The following SSC5D variants were observed in gnomAD, a reference collection of about 807,000 sequenced individuals.
The protein encoded by SSC5D is scavenger receptor cysteine rich family member with 5 domains.
Under a neutral mutation model 104.6 loss-of-function variants are expected in SSC5D, and 106 were observed. That is an observed-to-expected ratio of 1.01 (90% CI 0.87 to 1.19). The LOEUF (loss-of-function observed/expected upper bound fraction) is 1.19, where lower values mean the gene tolerates loss of function less well. Ranked by LOEUF, SSC5D falls within the 50% of genes most tolerant of loss-of-function variation. SSC5D has a pLI of 0.00. For synonymous variants in SSC5D, 860 were observed against 883.5 expected (o/e 0.97, Z 0.47); for missense variants, 1,993 against 2,153.8 (o/e 0.93, Z 1.48).
At chr19:55,494,482 A>G in intron 7 of SSC5D, 128 bp from the exon 8 acceptor site, 1 of 1,046,528 alleles carries the variant, frequency 9.6e-7, no homozygotes, top group Non-Finnish European at 1.3e-6. Flanking sequence ...TCTAGGGAGG[A>G]GGTTCGGCAG....
Position 55,494,752 on chromosome 19 carries a change from T to A in SSC5D, c.1356T>A (p.Pro452=), listed in dbSNP as rs760614874. The A allele has an allele frequency of 1.9e-6, 3 of 1,548,518 alleles. No individual in the cohort carries two copies. Among genetic ancestry groups the A allele is most frequent in the East Asian group, 4.9e-5 (2 of 40,730 alleles). ...GCGTTTCACCTCCTCCAGCCTCCCC[T>A]ACTGTCCTTTGGGAGCCTGGACCGG... ...TAGVSPPPAS[P]TVLWEPGPEA... Residue 452 remains proline, a synonymous_variant, in exon 8 of 14, where the codon CCT becomes CCA. Coordinates refer to ENST00000389623, the MANE Select transcript of SSC5D (RefSeq NM_001144950.2).
Position 55,501,166 on chromosome 19 carries a change from G to A in SSC5D, c.2750G>A (p.Ser917Asn). Residue 917 changes from serine to asparagine, a missense_variant, in exon 12 of 14, where the codon AGC becomes AAC. Ser to Asn is a conservative substitution (Grantham distance 46). Around this residue, in one of 6 missense-constraint regions of SSC5D, gnomAD observed 423 missense variants for 409.2 expected, o/e 1.03. Transcript: ENST00000389623. ...LPWRTTRRPG[S>N]SSPAIRRLPD... is the part of the protein sequence containing the mutation. Reference sequence around the variant, plus strand: ...TGGAGGACCACCCGGCGCCCGGGTAGCTCCTCCCCAGCAATAAGGCGCCTG... The same window carrying A: ...TGGAGGACCACCCGGCGCCCGGGTAACTCCTCCCCAGCAATAAGGCGCCTG... 1 of 1,544,760 alleles carries A rather than the reference G, an allele frequency of 6.5e-7. No homozygotes were observed. The highest frequency in any genetic ancestry group is 8.7e-7 in the Non-Finnish European group (1 of 1,144,162).
chr19:55,501,832 C>A (rs902308338), intron 12 of SSC5D, among the ~76,000 whole-genome samples: 6 of 152,186 alleles, frequency 3.9e-5, no homozygotes, highest in Non-Finnish European at 7.3e-5. Flanking sequence ...TCCTTGTATC[C>A]CCATCTCTCA....
At position 55,498,069 on chromosome 19, in the gene SSC5D, G is replaced by A. The variant is rs940907088; in HGVS notation, c.1577G>A (p.Gly526Asp). ...PDPAAGRFGW[G>D]AGPIWLDDVG... ...CCTGCTGCTGGCCGCTTTGGCTGGG[G>A]TGCGGGCCCCATCTGGCTAGATGAT... The change falls in exon 9 of 14, where the codon GGT becomes GAT. Residue 526 changes from glycine (G) to aspartate (D), a missense_variant. Coordinates refer to ENST00000389623, the MANE Select transcript of SSC5D (RefSeq NM_001144950.2). The A allele has an allele frequency of 1.9e-6, 3 of 1,551,536 alleles. No homozygotes were observed. In the African/African-American group the frequency reaches 4.1e-5, roughly 21 times the overall value.
chr19:55,517,059 G>A (rs1042567530), intron 13 of SSC5D, among the ~76,000 whole-genome samples, 165 bp from the exon 14 acceptor site: 3 of 152,232 alleles, frequency 2.0e-5, no homozygotes, highest in Non-Finnish European at 4.4e-5. Context: ...ATCGGAGGAC[G>A]TAGGGAGGAG....
intron 13 of SSC5D, among the ~76,000 whole-genome samples, chr19:55,516,922 C>T (rs1987883721): frequency 6.6e-6 from 1 of 152,026 alleles, no homozygotes; most frequent in Non-Finnish European, 1.5e-5. Flanking sequence ...CCCAGCACCC[C>T]ACGCATCCCT....
In SSC5D at chr19:55,500,860, T is replaced by C. The variant is rs560975751; in HGVS notation, c.2617+56T>C. Reference sequence around the variant, plus strand: ...GTCGGGGGTGGCCAGGAGAATGGAGTCAGGGTGGGGCCAGGTGACGGCACC... The same window carrying C: ...GTCGGGGGTGGCCAGGAGAATGGAGCCAGGGTGGGGCCAGGTGACGGCACC... On this transcript the variant is annotated intron_variant, in intron 11 of 13. Coordinates refer to ENST00000389623, the MANE Select transcript of SSC5D (RefSeq NM_001144950.2). This position sits in a 1 kb window ranked among gnomAD's most constrained non-coding sequence, Gnocchi z 4.6. The C allele has an allele frequency of 4.6e-6, 7 of 1,511,978 alleles. No homozygotes were observed. In the South Asian group the frequency reaches 6.4e-5, roughly 14 times the overall value. The allele number at this position is 1,511,978 out of a possible 1,614,324, so 93.7% of individuals were successfully genotyped here. A position where few individuals can be genotyped will look rare whatever the true frequency, so the allele number is the denominator to read the frequency against.
intron 13 of SSC5D, among the ~76,000 whole-genome samples, chr19:55,513,397 T>C (rs909663420): frequency 9.2e-5 from 14 of 152,140 alleles, no homozygotes; most frequent in African/African-American, 3.1e-4. Context: ...GAGAGCAGCC[T>C]GGGCAACATG....
At chr19:55,501,689 GC>G (rs1376265149) in intron 12 of SSC5D, among the ~76,000 whole-genome samples, 5 of 152,136 alleles carry the variant, frequency 3.3e-5, no homozygotes, top group Non-Finnish European at 5.9e-5. Context: ...AGCCTCCAGG[GC>G]CACAGCTCCA....
chr19:55,491,224 C>T (rs1436241684), intron 6 of SSC5D, 144 bp downstream of exon 6: 6 of 877,462 alleles, frequency 6.8e-6, no homozygotes, highest in Non-Finnish European at 1.0e-5. Context: ...ACTCACCACG[C>T]TCTCCAGCCC....
Position 55,503,015 on chromosome 19 carries a change from A to G in SSC5D, c.2785+1814A>G, listed in dbSNP as rs143559825. Among the ~76,000 whole-genome samples, 3,259 of 152,152 alleles carry G rather than the reference A, an allele frequency of 0.021. 40 individuals carry two copies. Among genetic ancestry groups the G allele is most frequent in the Admixed American group, 0.038 (578 of 15,280 alleles). ...ATTTTTAGTAGAGACGGGTTTCACC[A>G]TGTTGGCCAGGCTGGTCTCAAATTC... is the stretch of plus-strand genomic sequence containing the variant. On this transcript the variant is annotated intron_variant, in intron 12 of 13. Coordinates refer to ENST00000389623, the MANE Select transcript of SSC5D (RefSeq NM_001144950.2). The surrounding 1 kb of genome is among the most constrained non-coding windows in gnomAD (Gnocchi z 4.0).
chr19:55,510,750 T>C (rs959907392), intron 12 of SSC5D, among the ~76,000 whole-genome samples: 1 of 152,088 alleles, frequency 6.6e-6, no homozygotes, highest in Non-Finnish European at 1.5e-5. Context: ...GGTGTTTTTG[T>C]TTTTGTTTCT....
rs578028661 is a variant in SSC5D at position 55,503,182 on chromosome 19, C to T, written c.2785+1981C>T. 8.5e-5 allele frequency among the ~76,000 whole-genome samples: 13 copies of T among 152,282 alleles called. No individual in the cohort carries two copies. Among genetic ancestry groups the T allele is most frequent in the African/African-American group, 2.4e-4 (10 of 41,560 alleles). ...TCTCAAACTCTTGGGCTCAAGTCAT[C>T]GGCTTGCTGCGGCCTCCCAAAGTGC... On this transcript the variant is annotated intron_variant, in intron 12 of 13. Coordinates refer to ENST00000389623, the MANE Select transcript of SSC5D (RefSeq NM_001144950.2). The surrounding 1 kb of genome is among the most constrained non-coding windows in gnomAD (Gnocchi z 4.0).
rs760358777 is a variant in SSC5D at position 55,513,041 on chromosome 19, C to T, written c.2816C>T (p.Thr939Met). The change falls in exon 13 of 14, where the codon ACG (threonine) becomes ATG (methionine). Residue 939 changes from threonine to methionine, a missense_variant. Physicochemically the swap from Thr to Met is moderately conservative, Grantham distance 81 (BLOSUM62 -1). Transcript: ENST00000389623. ...GSKDGYKLPW[T>M]WDTPSGRGLA... Reference sequence around the variant, plus strand: ...AAAGATGGTTACAAGCTTCCCTGGACGTGGGACACACCATCAGGAAGGGGC... The same window carrying T: ...AAAGATGGTTACAAGCTTCCCTGGATGTGGGACACACCATCAGGAAGGGGC... The T allele has an allele frequency of 2.3e-5, 35 of 1,551,920 alleles. No individual in the cohort carries two copies. The South Asian group carries it at 3.2e-4, about 14-fold the overall frequency.
intron 6 of SSC5D, chr19:55,492,498 GTGAAGC>G (rs1180462517): frequency 6.6e-6 from 1 of 152,182 alleles, no homozygotes; most frequent in Non-Finnish European, 1.5e-5. Context: ...AAGGCGCCCG[GTGAAGC>G]TGGGAGCTTC....
At chr19:55,501,311 C>T (rs765080864) in intron 12 of SSC5D, 110 bp downstream of exon 12, 3 of 1,324,486 alleles carry the variant, frequency 2.3e-6, no homozygotes, top group South Asian at 1.5e-5. Flanking sequence ...GGCCTCGGGG[C>T]ACCCTGGAAA....
At chr19:55,491,411 G>C (rs1987140414) in intron 6 of SSC5D, 1 of 285,794 alleles carries the variant, frequency 3.5e-6, no homozygotes, top group African/African-American at 2.2e-5. Context: ...GCCAAGTCCT[G>C]GAACGCAAGA....
chr19:55,503,396 G>C lies in SSC5D; in HGVS notation c.2785+2195G>C, dbSNP rs1987561326. ...GTTCTCTCCCCAGGCCCAGCGCTGT[G>C]GTATCTTTTCCTTTGTCTCTTACGG... On this transcript the variant is annotated intron_variant, in intron 12 of 13. Coordinates refer to ENST00000389623, the MANE Select transcript of SSC5D (RefSeq NM_001144950.2). This position sits in a 1 kb window ranked among gnomAD's most constrained non-coding sequence, Gnocchi z 4.0. Among the ~76,000 whole-genome samples, 1 of 152,118 alleles carries C rather than the reference G, an allele frequency of 6.6e-6. No individual in the cohort carries two copies. The highest frequency in any genetic ancestry group is 2.4e-5 in the African/African-American group (1 of 41,414).
At chr19:55,508,932 T>C (rs1987696352) in intron 12 of SSC5D, among the ~76,000 whole-genome samples, 1 of 130,334 alleles carries the variant, frequency 7.7e-6, no homozygotes, top group Non-Finnish European at 1.6e-5. Context: ...CTAACTCCTA[T>C]ACAGCAGGGA....
Sources: allele counts gnomAD v4.1 joint callset (sites outside exome capture counted in the v4.1 genomes callset), GRCh38; gene constraint gnomAD v4.1.1; regional missense constraint gnomAD v4.1.1; non-coding constraint Gnocchi (gnomAD v3.1); transcripts MANE v1.5; gene names NCBI Gene and HGNC (gene_info 2026-07-23, HGNC 2026-07-21).